The following PDE3B variants were observed in gnomAD, a reference collection of about 807,000 sequenced individuals.
PDE3B encodes phosphodiesterase 3B.
In PDE3B, 66 loss-of-function variants were observed where a neutral mutation model predicts 116.8. The ratio of observed to expected loss-of-function variants is 0.56; its 90% CI spans 0.46 to 0.69. The LOEUF is 0.69. PDE3B is among the 30% of genes least tolerant of loss of function. PDE3B has a pLI of 0.00. For synonymous variants in PDE3B, 595 were observed against 533.6 expected, an observed-to-expected ratio of 1.12 and a Z score of -1.59; for missense variants, 1,384 against 1,368.1, an observed-to-expected ratio of 1.01 and a Z score of -0.18.
At chr11:14,895,441 CTT>C in the PDE3B span, among the ~76,000 whole-genome samples, 1 of 152,226 alleles carries the variant, frequency 6.6e-6, no homozygotes, top group South Asian at 2.1e-4. Context: ...TGTTATCTTG[CTT>C]TTGATCTTCT....
the PDE3B span, among the ~76,000 whole-genome samples, chr11:14,889,790 T>C: frequency 6.6e-6 from 1 of 152,212 alleles, no homozygotes; most frequent in African/African-American, 2.4e-5. Flanking sequence ...TGTTTAAAAA[T>C]ACTTTCAAAT....
At chr11:14,769,926 G>A (rs1309598203) in intron 1 of PDE3B, among the ~76,000 whole-genome samples, 2 of 150,566 alleles carry the variant, frequency 1.3e-5, no homozygotes, top group Admixed American at 6.6e-5. Flanking sequence ...AAAAGGTAAT[G>A]TTTATTTAAT....
chr11:14,786,592 G>A lies in PDE3B; in HGVS notation c.1185G>A (p.Arg395=). The change falls in exon 3 of 16, where the codon AGG becomes AGA. Residue 395 remains arginine, a synonymous_variant. Coordinates refer to ENST00000282096, the MANE Select transcript of PDE3B (RefSeq NM_000922.4). Reference sequence around the variant, plus strand: ...TGGGTGCTTTCTCAGGTTCCTGTAGGCCAAAGATTAATCCTCTCACACCAT... The same window carrying A: ...TGGGTGCTTTCTCAGGTTCCTGTAGACCAAAGATTAATCCTCTCACACCAT... ...SLMGAFSGSC[R]PKINPLTPFP... is the part of the protein sequence containing the mutation. 1 of 1,612,836 alleles carries A rather than the reference G, an allele frequency of 6.2e-7. No homozygotes were observed. The highest frequency in any genetic ancestry group is 8.5e-7 in the Non-Finnish European group (1 of 1,179,092).
chr11:14,654,674 A>G (rs955315790), intron 1 of PDE3B, among the ~76,000 whole-genome samples: 1 of 152,160 alleles, frequency 6.6e-6, no homozygotes, highest in Non-Finnish European at 1.5e-5. Flanking sequence ...CTAGAAAACA[A>G]TAGCATTTAC....
chr11:14,703,425 T>G (rs1174951189), intron 1 of PDE3B, among the ~76,000 whole-genome samples: 1 of 151,696 alleles, frequency 6.6e-6, no homozygotes, highest in African/African-American at 2.4e-5. Context: ...GTCTTTTTTT[T>G]TTTAATACCA....
the PDE3B span, chr11:14,886,066 G>C: frequency 1.3e-6 from 1 of 746,102 alleles, no homozygotes; most frequent in Non-Finnish European, 2.3e-6. Flanking sequence ...ACAATGTTCA[G>C]AGTGCCCTCC....
At chr11:14,655,552 G>A (rs1853694012) in intron 1 of PDE3B, among the ~76,000 whole-genome samples, 1 of 151,982 alleles carries the variant, frequency 6.6e-6, no homozygotes, top group South Asian at 2.1e-4. Flanking sequence ...ATAAGATATG[G>A]TTCTATCCCT....
intron 1 of PDE3B, among the ~76,000 whole-genome samples, chr11:14,736,320 G>A (rs947032097): frequency 4.6e-5 from 7 of 152,230 alleles, no homozygotes; most frequent in Non-Finnish European, 8.8e-5. Context: ...AAAGCTGGTT[G>A]AAGTGAGTGT....
chr11:14,766,843 T>A (rs556422511), intron 1 of PDE3B, among the ~76,000 whole-genome samples: 48 of 151,772 alleles, frequency 3.2e-4, no homozygotes, highest in Non-Finnish European at 5.0e-4. Flanking sequence ...GGAAAAAAAA[T>A]CATGTTTTGT....
chr11:14,712,426 C>T (rs1329183478), intron 1 of PDE3B, among the ~76,000 whole-genome samples: 1 of 146,712 alleles, frequency 6.8e-6, no homozygotes, highest in Non-Finnish European at 1.5e-5. Context: ...TACATTTTAC[C>T]TGGAGTTTGG....
At chr11:14,772,677 GATTA>G (rs1819829635) in intron 2 of PDE3B, 2 of 151,648 alleles carry the variant, frequency 1.3e-5, no homozygotes, top group East Asian at 1.9e-4. Flanking sequence ...ACTTTTTTAG[GATTA>G]ATTTTTTGAA....
chr11:14,777,309 G>T (rs1243509102), intron 2 of PDE3B, among the ~76,000 whole-genome samples: 1 of 152,172 alleles, frequency 6.6e-6, no homozygotes, highest in Non-Finnish European at 1.5e-5. Flanking sequence ...GAAGGAGAAA[G>T]GGGGTGGCAT....
At chr11:14,760,055 A>G (rs910013454) in intron 1 of PDE3B, among the ~76,000 whole-genome samples, 1 of 152,280 alleles carries the variant, frequency 6.6e-6, no homozygotes, top group African/African-American at 2.4e-5. Flanking sequence ...ATTGCAATAT[A>G]ATATTGTTGT....
chr11:14,733,046 A>C (rs1482874371), intron 1 of PDE3B, among the ~76,000 whole-genome samples: 1 of 152,234 alleles, frequency 6.6e-6, no homozygotes, highest in Non-Finnish European at 1.5e-5. Flanking sequence ...TTATTTTCAC[A>C]AATCGATATA....
chr11:14,828,244 C>G (rs1481488762), intron 7 of PDE3B, among the ~76,000 whole-genome samples: 1 of 152,156 alleles, frequency 6.6e-6, no homozygotes, highest in Admixed American at 6.5e-5. Flanking sequence ...CAATACCATT[C>G]TGGATATAGA....
chr11:14,734,513 CTGAT>C, intron 1 of PDE3B, among the ~76,000 whole-genome samples: 1 of 152,204 alleles, frequency 6.6e-6, no homozygotes, highest in South Asian at 2.1e-4. Flanking sequence ...GCTTTTTTCT[CTGAT>C]TGTGTAAAGT....
intron 1 of PDE3B, among the ~76,000 whole-genome samples, chr11:14,706,825 T>G (rs1020755318): frequency 1.3e-5 from 2 of 152,000 alleles, no homozygotes; most frequent in Non-Finnish European, 2.9e-5. Flanking sequence ...AAAATGGCTT[T>G]GAAGACATAA....
At chr11:14,830,134 T>A (rs371269704) in intron 7 of PDE3B, among the ~76,000 whole-genome samples, 7 of 152,252 alleles carry the variant, frequency 4.6e-5, no homozygotes, top group African/African-American at 1.7e-4. Flanking sequence ...TTTTGGGTAA[T>A]TTCCCTGTTT....
intron 1 of PDE3B, among the ~76,000 whole-genome samples, chr11:14,683,155 G>C (rs555353268): frequency 4.7e-4 from 71 of 152,164 alleles, no homozygotes; most frequent in African/African-American, 1.7e-3. Flanking sequence ...GATCAGGCTG[G>C]TCTTGAACTC....
Sources: allele counts gnomAD v4.1 joint callset (sites outside exome capture counted in the v4.1 genomes callset), GRCh38; gene constraint gnomAD v4.1.1; transcripts MANE v1.5; gene names NCBI Gene and HGNC (gene_info 2026-07-23, HGNC 2026-07-21).